The following IL1RAP variants were observed in gnomAD, a reference collection of about 807,000 sequenced individuals.
The protein encoded by IL1RAP is interleukin-1 receptor accessory protein.
In IL1RAP, 35 loss-of-function variants were observed where a neutral mutation model predicts 60.7. The ratio of observed to expected loss-of-function variants is 0.58; its 90% CI spans 0.44 to 0.76. IL1RAP has a LOEUF of 0.76. IL1RAP is among the 30% of genes least tolerant of loss of function. The pLI is 0.00. For synonymous variants in IL1RAP, 268 were observed against 250.9 expected (o/e 1.07, Z -0.64); for missense variants, 572 against 693.9 (o/e 0.82, Z 1.97).
chr3:190,659,431 A>G (rs1281985301), exon 12 of IL1RAP: 1 of 152,190 alleles, frequency 6.6e-6, no homozygotes, highest in Non-Finnish European at 1.5e-5. Context: ...CTGTATGGAG[A>G]AAGGATCAGA....
intron 3 of IL1RAP, among the ~76,000 whole-genome samples, chr3:190,603,609 T>C (rs1730042618): frequency 6.6e-6 from 1 of 152,220 alleles, no homozygotes; most frequent in Admixed American, 6.5e-5. Context: ...AATATTAAAA[T>C]TAATTTCGTC....
At chr3:190,619,095 A>G (rs948217348) in intron 5 of IL1RAP, among the ~76,000 whole-genome samples, 3 of 152,246 alleles carry the variant, frequency 2.0e-5, no homozygotes, top group African/African-American at 7.2e-5. Flanking sequence ...AGATAACCTA[A>G]TCTTTTTGTC....
intron 3 of IL1RAP, among the ~76,000 whole-genome samples, chr3:190,575,688 T>G (rs1342186975): frequency 6.6e-6 from 1 of 152,186 alleles, no homozygotes; most frequent in Non-Finnish European, 1.5e-5. Context: ...TACATTTACT[T>G]GAACTGCAGT....
chr3:190,658,314 A>G (rs1391977033), exon 12 of IL1RAP: 1 of 152,220 alleles, frequency 6.6e-6, no homozygotes, highest in African/African-American at 2.4e-5. Flanking sequence ...GCCAAAGAAC[A>G]TATCTCCAAA....
chr3:190,581,630 C>A (rs1257474592), intron 3 of IL1RAP, among the ~76,000 whole-genome samples: 2 of 152,190 alleles, frequency 1.3e-5, no homozygotes, highest in Non-Finnish European at 2.9e-5. Flanking sequence ...AGTTGCTTGA[C>A]AACCAGTTTA....
At chr3:190,572,909 G>A in intron 3 of IL1RAP, among the ~76,000 whole-genome samples, 1 of 83,620 alleles carries the variant, frequency 1.2e-5, no homozygotes, top group East Asian at 3.2e-4. Flanking sequence ...TGTCGCCCAG[G>A]CTGGAGTGCA....
At chr3:190,637,668 T>G (rs932281955) in intron 9 of IL1RAP, among the ~76,000 whole-genome samples, 4 of 152,102 alleles carry the variant, frequency 2.6e-5, no homozygotes, top group Non-Finnish European at 5.9e-5. Flanking sequence ...TTTGATAATT[T>G]TTGAGAAATG....
chr3:190,646,274 G>A (rs1310289677), intron 11 of IL1RAP, among the ~76,000 whole-genome samples: 1 of 152,150 alleles, frequency 6.6e-6, no homozygotes, highest in Non-Finnish European at 1.5e-5. Context: ...TTTACTAAAA[G>A]TGAGTGGCGG....
Position 190,651,452 on chromosome 3 carries a change from AT to A in IL1RAP, c.*2752del. 1.8e-6 allele frequency: 1 copy of A among 562,348 alleles called. No homozygotes were observed. Among genetic ancestry groups the A allele is most frequent in the Non-Finnish European group, 2.3e-6 (1 of 444,184 alleles). 34.8% of individuals were successfully genotyped at this position (562,348 alleles called of 1,614,324 possible). On this transcript the variant is annotated 3_prime_UTR_variant, in exon 12 of 12. Coordinates refer to ENST00000447382, the MANE Select transcript of IL1RAP (RefSeq NM_002182.4). Reference sequence around the variant, plus strand: ...TCATTCATGAACTTTTGTATTTTTCATTTTTCATTTGATTTGTAAATTTACT... The same window carrying A: ...TCATTCATGAACTTTTGTATTTTTCATTTTCATTTGATTTGTAAATTTACT...
In IL1RAP at chr3:190,635,311, G is replaced by A. The variant is rs559462834; in HGVS notation, c.1051+5813G>A. On this transcript the variant is annotated intron_variant, in intron 9 of 11. Transcript: ENST00000447382. ...TCTCAATTTTGCTAATTTTTTCAAT[G>A]AACATATTTTTATTGATTTTTCTCT... Among the ~76,000 whole-genome samples, 107 of 151,992 alleles carry A rather than the reference G, an allele frequency of 7.0e-4. 1 individual carries two copies. Among genetic ancestry groups the A allele is most frequent in the African/African-American group, 2.1e-3 (88 of 41,500 alleles).
rs73889609 is a variant in IL1RAP at position 190,620,509 on chromosome 3, A to G, written c.703+69A>G. On this transcript the variant is annotated intron_variant, in intron 6 of 11. Transcript: ENST00000447382. ...ATCTTGTTATGGTTTTTAATAGTTT[A>G]TTACACACTAGTATGTAAATTGTAT... 6.3e-3 allele frequency: 8,135 copies of G among 1,296,456 alleles called. 361 individuals carry two copies. In the African/African-American group the frequency reaches 0.1, roughly 17 times the overall value. 80.3% of individuals were successfully genotyped at this position (1,296,456 alleles called of 1,614,324 possible).
chr3:190,604,277 T>C lies in IL1RAP; in HGVS notation c.214T>C (p.Trp72Arg). The C allele has an allele frequency of 6.2e-7, 1 of 1,614,066 alleles. No individual in the cohort carries two copies. Among genetic ancestry groups the C allele is most frequent in the Non-Finnish European group, 8.5e-7 (1 of 1,179,996 alleles). Residue 72 changes from tryptophan to arginine, a missense_variant, in exon 4 of 12, where the codon TGG (tryptophan) becomes CGG (arginine). Trp to Arg is a moderately radical substitution (Grantham distance 101). Coordinates refer to ENST00000447382, the MANE Select transcript of IL1RAP (RefSeq NM_002182.4). ...HSAGLTLIWY[W>R]TRQDRDLEEP... ...AGCTGGCCTTACTCTGATCTGGTATTGGACTAGGCAGGACCGGGACCTTGA... is the reference window on the plus strand; with the variant it reads ...AGCTGGCCTTACTCTGATCTGGTATCGGACTAGGCAGGACCGGGACCTTGA...
chr3:190,548,726 A>G (rs1577561835), intron 1 of IL1RAP, among the ~76,000 whole-genome samples: 1 of 152,326 alleles, frequency 6.6e-6, no homozygotes, highest in East Asian at 1.9e-4. Context: ...TTATTTTTAG[A>G]CAAAGGCAAG....
intron 3 of IL1RAP, among the ~76,000 whole-genome samples, chr3:190,585,384 A>G (rs1208543085): frequency 6.6e-6 from 1 of 152,166 alleles, no homozygotes; most frequent in Non-Finnish European, 1.5e-5. Flanking sequence ...GACTTCGTTT[A>G]ATAACAAATG....
intron 3 of IL1RAP, among the ~76,000 whole-genome samples, chr3:190,567,450 C>G (rs570178939): frequency 6.6e-6 from 1 of 152,294 alleles, no homozygotes; most frequent in Admixed American, 6.5e-5. Context: ...GTAGTCAGAG[C>G]TGTTGTAACT....
intron 9 of IL1RAP, among the ~76,000 whole-genome samples, chr3:190,633,795 T>C: frequency 6.6e-6 from 1 of 152,244 alleles, no homozygotes; most frequent in East Asian, 1.9e-4. Context: ...ATTTTCCATA[T>C]GCTTGATTGT....
chr3:190,617,783 T>C (rs1241313652), intron 5 of IL1RAP, among the ~76,000 whole-genome samples: 1 of 152,162 alleles, frequency 6.6e-6, no homozygotes, highest in Non-Finnish European at 1.5e-5. Flanking sequence ...GAGACAGAGT[T>C]GCTGATAAGA....
At chr3:190,529,779 G>A (rs1722832450) in intron 1 of IL1RAP, among the ~76,000 whole-genome samples, 5 of 151,404 alleles carry the variant, frequency 3.3e-5, no homozygotes, top group African/African-American at 9.7e-5. Flanking sequence ...GCTTGAATCC[G>A]GGAGGCGGAG....
intron 1 of IL1RAP, among the ~76,000 whole-genome samples, chr3:190,514,989 C>T (rs1192833654): frequency 6.6e-6 from 1 of 152,196 alleles, no homozygotes; most frequent in Non-Finnish European, 1.5e-5. Context: ...TAAAAGCAAA[C>T]TTCGGCTGTT....
Sources: allele counts gnomAD v4.1 joint callset (sites outside exome capture counted in the v4.1 genomes callset), GRCh38; gene constraint gnomAD v4.1.1; transcripts MANE v1.5; gene names NCBI Gene and HGNC (gene_info 2026-07-23, HGNC 2026-07-21).